Variants in ETFA observed in about 807,000 individuals in gnomAD.
ETFA encodes electron transfer flavoprotein subunit alpha, also known as electron transfer flavoprotein subunit alpha, mitochondrial.
In ETFA, 22 loss-of-function variants were observed where a neutral mutation model predicts 46.2. That is an observed-to-expected ratio of 0.48 (90% CI 0.34 to 0.68). ETFA has a LOEUF of 0.68. Among genes scored for constraint, ETFA ranks in the 30% least tolerant of loss-of-function variants. The pLI is 0.01. For synonymous variants in ETFA, 131 were observed against 139.9 expected (o/e 0.94, Z 0.45); for missense variants, 345 against 401.1 (o/e 0.86, Z 1.19).
chr15:76,274,184 T>A (rs2039570288), intron 9 of ETFA: 4 of 533,258 alleles, frequency 7.5e-6, no homozygotes, highest in Non-Finnish European at 1.3e-5. Flanking sequence ...TGATAAAATG[T>A]TCCACTGCTT....
intron 11 of ETFA, 78 bp from the exon 12 acceptor site, chr15:76,216,675 G>A (rs369208131): frequency 1.0e-6 from 1 of 952,824 alleles, no homozygotes; most frequent in Non-Finnish European, 1.7e-6. Flanking sequence ...AGCATTACAG[G>A]GAGGCCAAAA....
At chr15:76,219,926 C>T (rs539548884) in intron 11 of ETFA, among the ~76,000 whole-genome samples, 16 of 152,122 alleles carry the variant, frequency 1.1e-4, no homozygotes, top group South Asian at 2.1e-4. Flanking sequence ...TTTGAAGGTT[C>T]TTCAAAAAGC....
At chr15:76,255,268 G>A (rs1337461744) in intron 9 of ETFA, among the ~76,000 whole-genome samples, 1 of 152,208 alleles carries the variant, frequency 6.6e-6, no homozygotes, top group Admixed American at 6.5e-5. Flanking sequence ...AGGAAGTGAT[G>A]ACTATTTTCA....
At chr15:76,291,643 G>C (rs917453599) in intron 4 of ETFA, among the ~76,000 whole-genome samples, 1 of 151,716 alleles carries the variant, frequency 6.6e-6, no homozygotes, top group East Asian at 2.0e-4. Flanking sequence ...CCAGCTACTC[G>C]GGAGGCTGAG....
chr15:76,283,739 T>C lies in ETFA; in HGVS notation c.733+18A>G. 2.0e-6 allele frequency: 3 copies of C among 1,505,450 alleles called. No homozygotes were observed. Among genetic ancestry groups the C allele is most frequent in the Non-Finnish European group, 2.8e-6 (3 of 1,081,700 alleles). The allele number at this position is 1,505,450 out of a possible 1,614,324, so 93.3% of individuals were successfully genotyped here. On this transcript the variant is annotated intron_variant, in intron 8 of 11. Coordinates refer to ENST00000557943, the MANE Select transcript of ETFA (RefSeq NM_000126.4). ...CAACAAAAAGGGAATATCTTTCTAC[T>C]AAGGAAAATAACTTTACCTGCAGCA...
At chr15:76,224,885 C>G (rs1386880360) in intron 11 of ETFA, among the ~76,000 whole-genome samples, 2 of 152,190 alleles carry the variant, frequency 1.3e-5, no homozygotes, top group African/African-American at 4.8e-5. Flanking sequence ...AAATGAGTAT[C>G]AGGTGCTCAT....
chr15:76,217,615 C>A, intron 11 of ETFA: 1 of 455,904 alleles, frequency 2.2e-6, no homozygotes, highest in South Asian at 1.5e-5. Flanking sequence ...GTGGCTGCAA[C>A]TGGAGCTTCC....
At chr15:76,288,811 C>T (rs962969113) in intron 4 of ETFA, among the ~76,000 whole-genome samples, 5 of 151,608 alleles carry the variant, frequency 3.3e-5, no homozygotes, top group African/African-American at 1.2e-4. Context: ...AAGGTGTGTT[C>T]TTGTGCTTGT....
At chr15:76,267,720 A>G (rs1305962246) in intron 9 of ETFA, among the ~76,000 whole-genome samples, 1 of 152,236 alleles carries the variant, frequency 6.6e-6, no homozygotes, top group Non-Finnish European at 1.5e-5. Context: ...TAGCTTTATT[A>G]ACATTAAAGT....
In ETFA at chr15:76,286,465, T is replaced by C. The variant is rs775043427; in HGVS notation, c.468A>G (p.Thr156=). The stretch of plus-strand genomic sequence containing the variant: ...CTTTCACTTTCTCATCACACTTCAC[T>C]GTACATAGAGCATTTCCTGAAACAT... ...RTIYAGNALC[T]VKCDEKVKVF... The change falls in exon 6 of 12, where the codon ACA becomes ACG. Residue 156 remains threonine, a synonymous_variant. Coordinates refer to ENST00000557943, the MANE Select transcript of ETFA (RefSeq NM_000126.4). 2 of 1,610,282 alleles carry C rather than the reference T, an allele frequency of 1.2e-6. No individual in the cohort carries two copies. Among genetic ancestry groups the C allele is most frequent in the Non-Finnish European group, 8.5e-7 (1 of 1,176,526 alleles).
At chr15:76,282,155 T>C (rs1017318638) in intron 8 of ETFA, among the ~76,000 whole-genome samples, 5 of 152,088 alleles carry the variant, frequency 3.3e-5, no homozygotes, top group African/African-American at 1.2e-4. Context: ...CCGCCCACCC[T>C]GGCCTCCCAA....
chr15:76,299,637 C>T (rs1392725336), intron 1 of ETFA, among the ~76,000 whole-genome samples: 1 of 152,130 alleles, frequency 6.6e-6, no homozygotes, highest in African/African-American at 2.4e-5. Flanking sequence ...AGAAGGTAGC[C>T]TCACCTCCTA....
At chr15:76,283,257 C>T (rs1344144494) in intron 8 of ETFA, among the ~76,000 whole-genome samples, 3 of 152,036 alleles carry the variant, frequency 2.0e-5, no homozygotes, top group Admixed American at 6.6e-5. Context: ...AGTGGCACGA[C>T]CACAGTGCAC....
chr15:76,294,054 G>A (rs1405292074), intron 2 of ETFA, among the ~76,000 whole-genome samples: 2 of 152,144 alleles, frequency 1.3e-5, no homozygotes, highest in South Asian at 2.1e-4. Context: ...GAATAAAATG[G>A]TATAAAACCG....
Position 76,220,418 on chromosome 15 carries a change from T to TG in ETFA, c.964-3822dup, listed in dbSNP as rs531718867. ...CAAGCATAAGCAACAAAGAAAAAAT[T>TG]GGTAAGCTGGATTTCATCAAAATTT... On this transcript the variant is annotated intron_variant, in intron 11 of 11. Transcript: ENST00000557943. 2.4e-3 allele frequency among the ~76,000 whole-genome samples: 372 copies of TG among 152,324 alleles called. 1 individual carries two copies. Among genetic ancestry groups the TG allele is most frequent in the African/African-American group, 8.4e-3 (351 of 41,576 alleles).
At chr15:76,290,578 T>G (rs2039751435) in intron 4 of ETFA, among the ~76,000 whole-genome samples, 1 of 152,064 alleles carries the variant, frequency 6.6e-6, no homozygotes, top group South Asian at 2.1e-4. Context: ...CTACAACTCC[T>G]GGGCTCAGAC....
intron 1 of ETFA, among the ~76,000 whole-genome samples, chr15:76,301,299 G>A (rs3915459): frequency 6.6e-6 from 1 of 151,932 alleles, no homozygotes; most frequent in African/African-American, 2.4e-5. Context: ...TTGTCTTCTC[G>A]TCCCCCTTTG....
At chr15:76,248,073 CTG>C (rs2039260463) in intron 9 of ETFA, among the ~76,000 whole-genome samples, 1 of 152,160 alleles carries the variant, frequency 6.6e-6, no homozygotes, top group Non-Finnish European at 1.5e-5. Context: ...AATTCTAAAA[CTG>C]TAAAGTAACG....
At chr15:76,259,243 T>C in intron 9 of ETFA, 2 of 1,558,196 alleles carry the variant, frequency 1.3e-6, no homozygotes, top group African/African-American at 2.7e-5. Context: ...CTCTCGATGT[T>C]GATGTATAAG....
Sources: allele counts gnomAD v4.1 joint callset (sites outside exome capture counted in the v4.1 genomes callset), GRCh38; gene constraint gnomAD v4.1.1; transcripts MANE v1.5; gene names NCBI Gene and HGNC (gene_info 2026-07-23, HGNC 2026-07-21).